GABRA2: variants seen among roughly 807,000 people sequenced by gnomAD.
GABRA2 encodes gamma-aminobutyric acid type A receptor subunit alpha2, also known as gamma-aminobutyric acid receptor subunit alpha-2.
A neutral mutation model predicts 48.7 loss-of-function variants in GABRA2; 16 were observed. That is an observed-to-expected ratio of 0.33 (90% confidence interval 0.22 to 0.50). The LOEUF is 0.50. Ranked by LOEUF, GABRA2 falls within the 20% of genes least tolerant of loss-of-function variation. The pLI, the probability that GABRA2 is intolerant of heterozygous loss-of-function variation, is 0.98. For synonymous variants in GABRA2, 185 were observed against 184.5 expected (o/e 1.00, Z -0.02); for missense variants, 275 against 535.6 (o/e 0.51, Z 4.80).
chr4:46,298,208 G>T (rs1725103825), intron 8 of GABRA2, among the ~76,000 whole-genome samples: 1 of 152,044 alleles, frequency 6.6e-6, no homozygotes, highest in Admixed American at 6.5e-5. Flanking sequence ...TGTAATTGCT[G>T]TTTTTGCGTT....
intron 3 of GABRA2, chr4:46,367,642 G>T (rs1465751203): frequency 6.6e-6 from 1 of 152,040 alleles, no homozygotes; most frequent in African/African-American, 2.4e-5. Context: ...ATCCAAAAAA[G>T]CATGGTTATT....
At chr4:46,371,630 T>C (rs954796889) in intron 3 of GABRA2, among the ~76,000 whole-genome samples, 1 of 152,092 alleles carries the variant, frequency 6.6e-6, no homozygotes, top group Non-Finnish European at 1.5e-5. Flanking sequence ...ATAACTAAAG[T>C]GCAGTCATGA....
chr4:46,346,565 A>G (rs1261757052), intron 3 of GABRA2, among the ~76,000 whole-genome samples: 1 of 149,090 alleles, frequency 6.7e-6, no homozygotes, highest in Non-Finnish European at 1.5e-5. Context: ...TGCTTTTAAA[A>G]CGTGTTGCAT....
chr4:46,385,078 C>T (rs1717257640), intron 3 of GABRA2, among the ~76,000 whole-genome samples: 1 of 143,540 alleles, frequency 7.0e-6, no homozygotes, highest in Non-Finnish European at 1.5e-5. Flanking sequence ...AATTGCCTAA[C>T]ATATATATAT....
Position 46,288,135 on chromosome 4 carries a change from C to T in GABRA2, c.856+15325G>A, listed in dbSNP as rs532673107. ...TTCCTCTCATGACATGTGGGAATTG[C>T]GGGAGTTACAATTCAAGATGAAATT... On this transcript the variant is annotated intron_variant, in intron 8 of 9. Transcript: ENST00000381620. 7.9e-5 allele frequency among the ~76,000 whole-genome samples: 12 copies of T among 152,164 alleles called. No individual in the cohort carries two copies. The East Asian group carries it at 1.4e-3, about 17-fold the overall frequency.
chr4:46,298,806 T>C (rs971804530), intron 8 of GABRA2, among the ~76,000 whole-genome samples: 6 of 151,872 alleles, frequency 4.0e-5, no homozygotes, highest in Non-Finnish European at 5.9e-5. Context: ...GGTGAAGATA[T>C]TAGTGTATTA....
intron 3 of GABRA2, among the ~76,000 whole-genome samples, chr4:46,337,247 G>A (rs747039438): frequency 6.6e-6 from 1 of 152,046 alleles, no homozygotes; most frequent in Non-Finnish European, 1.5e-5. Context: ...AAGACATGGA[G>A]GTTTCACTCT....
chr4:46,284,062 T>G (rs1722050524), intron 8 of GABRA2, among the ~76,000 whole-genome samples: 1 of 142,126 alleles, frequency 7.0e-6, no homozygotes, highest in Non-Finnish European at 1.5e-5. Flanking sequence ...TCCGGCCTGA[T>G]TTGAGTTCTT....
At position 46,247,347 on chromosome 4, in the gene GABRA2, A is replaced by AAATT; in HGVS notation, c.*2957_*2960dup. Among the ~76,000 whole-genome samples the AAATT allele has an allele frequency of 6.6e-6, 1 of 151,318 alleles. No homozygotes were observed. Among genetic ancestry groups the AAATT allele is most frequent in the Admixed American group, 6.6e-5 (1 of 15,124 alleles). On this transcript the variant is annotated 3_prime_UTR_variant, in exon 10 of 10. Coordinates refer to ENST00000381620, the MANE Select transcript of GABRA2 (RefSeq NM_000807.4). The stretch of plus-strand genomic sequence containing the variant: ...AGCTCATTAAAGAACTCCCAGTACT[A>AAATT]AATTAATTTACATGTTTTATATAGT...
intron 4 of GABRA2, among the ~76,000 whole-genome samples, chr4:46,315,742 G>A (rs279857): frequency 0.48 from 72,477 of 151,572 alleles, 17,934 homozygotes; most frequent in African/African-American, 0.6. Flanking sequence ...TTTGTTTTTC[G>A]GACATACACA....
At chr4:46,258,799 G>A (rs1455734873) in intron 9 of GABRA2, among the ~76,000 whole-genome samples, 2 of 151,832 alleles carry the variant, frequency 1.3e-5, no homozygotes, top group Non-Finnish European at 2.9e-5. Flanking sequence ...GGGATTCCTT[G>A]AGAAAAATAG....
intron 8 of GABRA2, among the ~76,000 whole-genome samples, chr4:46,300,528 C>T (rs1052600904): frequency 2.2e-4 from 34 of 151,884 alleles, no homozygotes; most frequent in African/African-American, 7.7e-4. Flanking sequence ...TTGTCACTTA[C>T]GATTGTCATA....
At chr4:46,280,151 G>T (rs1449470567) in intron 8 of GABRA2, among the ~76,000 whole-genome samples, 2 of 152,076 alleles carry the variant, frequency 1.3e-5, no homozygotes, top group Non-Finnish European at 2.9e-5. Context: ...AATGTTGGAA[G>T]ATGATCTATG....
At chr4:46,280,133 A>T (rs1463633281) in intron 8 of GABRA2, among the ~76,000 whole-genome samples, 1 of 152,030 alleles carries the variant, frequency 6.6e-6, no homozygotes, top group Non-Finnish European at 1.5e-5. Context: ...ATATATATAT[A>T]TTTATATAAT....
intron 4 of GABRA2, among the ~76,000 whole-genome samples, chr4:46,315,169 T>C (rs541596592): frequency 6.7e-6 from 1 of 150,212 alleles, no homozygotes; most frequent in African/African-American, 2.4e-5. Context: ...TTTTTAATAA[T>C]GGCCATTCTG....
intron 8 of GABRA2, among the ~76,000 whole-genome samples, chr4:46,285,101 G>A (rs1722294077): frequency 6.7e-6 from 1 of 150,280 alleles, no homozygotes; most frequent in African/African-American, 2.4e-5. Flanking sequence ...ATTCCAGGCA[G>A]GTCTTAGCAT....
chr4:46,291,252 A>G (rs551418779), intron 8 of GABRA2, among the ~76,000 whole-genome samples: 3 of 152,238 alleles, frequency 2.0e-5, no homozygotes, highest in Non-Finnish European at 2.9e-5. Flanking sequence ...TACTTATGGA[A>G]ATTCTCCACT....
rs1011779810 is a variant in GABRA2, at chr4:46,250,488, G to T, written c.1176C>A (p.Thr392=). ...PVLSTISKSA[T]TPEPNKKPEN... ...CTGGCTTCTTGTTGGGTTCTGGCGT[G>T]GTTGCACTCTTGGAGATGGTGGAGA... Residue 392 remains threonine, a synonymous_variant, in exon 10 of 10, where the codon ACC becomes ACA. Coordinates refer to ENST00000381620, the MANE Select transcript of GABRA2 (RefSeq NM_000807.4). 1 of 1,611,938 alleles carries T rather than the reference G, an allele frequency of 6.2e-7. No individual in the cohort carries two copies. Among genetic ancestry groups the T allele is most frequent in the Non-Finnish European group, 8.5e-7 (1 of 1,178,662 alleles).
At chr4:46,274,566 G>T (rs1720114387) in intron 8 of GABRA2, among the ~76,000 whole-genome samples, 2 of 152,064 alleles carry the variant, frequency 1.3e-5, no homozygotes, top group African/African-American at 4.8e-5. Flanking sequence ...CCACAGCAAT[G>T]ATGTGACTTT....
Sources: gnomAD v4.1 joint callset for allele counts (sites outside exome capture counted in the v4.1 genomes callset) on GRCh38, gnomAD v4.1.1 for gene constraint, MANE v1.5 for transcripts, NCBI Gene and HGNC (gene_info 2026-07-23, HGNC 2026-07-21) for gene names.